RARB: variants seen among roughly 807,000 people sequenced by gnomAD.
RARB encodes retinoic acid receptor beta.
A neutral mutation model predicts 51.9 loss-of-function variants in RARB; 17 were observed. The observed-to-expected ratio is 0.33, with a 90% CI of 0.22 to 0.49. The LOEUF (loss-of-function observed/expected upper bound fraction) is 0.49. Ranked by LOEUF, RARB falls within the 20% of genes least tolerant of loss-of-function variation. The probability of loss-of-function intolerance (pLI) is 0.99; values close to 1 mark genes in which losing one functional copy is unlikely to be tolerated. For synonymous variants in RARB, 215 were observed against 195.4 expected, an observed-to-expected ratio of 1.10 and a Z score of -0.84; for missense variants, 369 against 550.8, an observed-to-expected ratio of 0.67 and a Z score of 3.30.
intron 5 of RARB, among the ~76,000 whole-genome samples, chr3:25,388,691 G>A (rs1054474426): frequency 2.0e-5 from 3 of 152,186 alleles, no homozygotes; most frequent in Non-Finnish European, 4.4e-5. Context: ...TTCACAGAGA[G>A]CTTAGCATAA....
chr3:25,355,402 C>G (rs530972804), intron 5 of RARB, among the ~76,000 whole-genome samples: 6 of 152,226 alleles, frequency 3.9e-5, no homozygotes, highest in African/African-American at 1.4e-4. Flanking sequence ...CTGAGATAAT[C>G]TGATGGAATC....
At chr3:25,457,683 G>A (rs777465101) in intron 1 of RARB, among the ~76,000 whole-genome samples, 1 of 152,056 alleles carries the variant, frequency 6.6e-6, no homozygotes, top group Non-Finnish European at 1.5e-5. Flanking sequence ...CCTTTCTTTG[G>A]GAAGGTGAAA....
At chr3:25,536,274 C>A (rs2125649285) in intron 3 of RARB, among the ~76,000 whole-genome samples, 1 of 152,270 alleles carries the variant, frequency 6.6e-6, no homozygotes, top group South Asian at 2.1e-4. Flanking sequence ...GAGACAAAGC[C>A]AGGCCTAGAT....
chr3:25,471,533 T>G (rs1324448085), intron 2 of RARB, among the ~76,000 whole-genome samples: 4 of 148,096 alleles, frequency 2.7e-5, no homozygotes, highest in Non-Finnish European at 6.0e-5. Context: ...TTCCTTCTGG[T>G]GTATGGATAA....
At chr3:25,388,578 G>T (rs7653107) in intron 5 of RARB, among the ~76,000 whole-genome samples, 24,330 of 151,980 alleles carry the variant, frequency 0.16, 2,278 homozygotes, top group Admixed American at 0.3. Context: ...TTGTTTTTTT[G>T]CCCTGGCAAA....
At chr3:25,399,689 A>G (rs1484484975) in intron 5 of RARB, among the ~76,000 whole-genome samples, 1 of 152,202 alleles carries the variant, frequency 6.6e-6, no homozygotes, top group African/African-American at 2.4e-5. Context: ...TGAAGCTACC[A>G]TAGCTGCTGT....
At chr3:25,012,466 C>T (rs2125280474) in intron 2 of RARB, among the ~76,000 whole-genome samples, 1 of 152,210 alleles carries the variant, frequency 6.6e-6, no homozygotes, top group Non-Finnish European at 1.5e-5. Flanking sequence ...GTTCAGAAAA[C>T]TGTACTAGAA....
At chr3:25,431,288 T>C (rs968523823) in intron 1 of RARB, among the ~76,000 whole-genome samples, 2 of 152,152 alleles carry the variant, frequency 1.3e-5, no homozygotes, top group African/African-American at 4.8e-5. Context: ...GTATGCATAG[T>C]AAATAAAGTA....
chr3:24,943,201 T>G (rs1695706011), intron 2 of RARB, among the ~76,000 whole-genome samples: 1 of 152,182 alleles, frequency 6.6e-6, no homozygotes, highest in African/African-American at 2.4e-5. Flanking sequence ...CTTCCGAGTT[T>G]AGGGGGAGAA....
intron 3 of RARB, among the ~76,000 whole-genome samples, chr3:25,544,432 A>G (rs1575504053): frequency 6.6e-6 from 1 of 152,206 alleles, no homozygotes; most frequent in African/African-American, 2.4e-5. Flanking sequence ...TATGGAGACT[A>G]TGGGAAATTA....
At chr3:24,846,971 G>A (rs1440449211) in intron 1 of RARB, among the ~76,000 whole-genome samples, 1 of 152,022 alleles carries the variant, frequency 6.6e-6, no homozygotes, top group Non-Finnish European at 1.5e-5. Flanking sequence ...CAGCAAATTC[G>A]TAAGAGTGTC....
At chr3:25,087,972 G>C (rs1699131588) in intron 3 of RARB, among the ~76,000 whole-genome samples, 1 of 151,746 alleles carries the variant, frequency 6.6e-6, no homozygotes, top group Admixed American at 6.6e-5. Context: ...ATTCTCCTAA[G>C]TATAGGAACA....
intron 2 of RARB, among the ~76,000 whole-genome samples, chr3:24,994,859 T>A (rs1304830298): frequency 1.3e-5 from 2 of 152,130 alleles, no homozygotes; most frequent in East Asian, 3.8e-4. Context: ...TATGTGTCAG[T>A]TTTCATGCCA....
rs1318900567 is a variant in RARB at position 25,186,884 on chromosome 3, CCTGTGTGTGT to C, written c.178+12310_178+12319del. Among the ~76,000 whole-genome samples the C allele has an allele frequency of 5.0e-3, 293 of 58,884 alleles. 2 individuals carry two copies. Among genetic ancestry groups the C allele is most frequent in the African/African-American group, 0.016 (285 of 17,702 alleles). The allele number at this position is 58,884 out of a possible 152,430, so 38.6% of individuals were successfully genotyped here. A position where few individuals can be genotyped will look rare whatever the true frequency, so the allele number is the denominator to read the frequency against. ...ATGAAGACCCAAAGAAAAAGGTAAG[CCTGTGTGTGT>C]GTGTGTGTGTGTGTGTGTGTGTGTG... On this transcript the variant is annotated intron_variant, in intron 5 of 11. Coordinates refer to the RARB transcript ENST00000383772.
chr3:24,998,859 A>C (rs949319165), intron 2 of RARB, among the ~76,000 whole-genome samples: 1 of 152,144 alleles, frequency 6.6e-6, no homozygotes, highest in African/African-American at 2.4e-5. Context: ...ATATTCTTAG[A>C]TATTAATATT....
chr3:25,575,208 C>G (rs1700878005), intron 4 of RARB, among the ~76,000 whole-genome samples: 1 of 152,176 alleles, frequency 6.6e-6, no homozygotes, highest in South Asian at 2.1e-4. Flanking sequence ...TGTAATGCCG[C>G]CGCTGATCTG....
chr3:25,136,677 G>T (rs541330036), intron 4 of RARB, among the ~76,000 whole-genome samples: 1 of 151,956 alleles, frequency 6.6e-6, no homozygotes, highest in East Asian at 1.9e-4. Flanking sequence ...AATAATACAC[G>T]TTAGAAGCAG....
rs574972978 is a variant in RARB, at chr3:25,410,506, C to T, written c.179-50687C>T. Among the ~76,000 whole-genome samples, 67 of 152,326 alleles carry T rather than the reference C, an allele frequency of 4.4e-4. No homozygotes were observed. In the Middle Eastern group the frequency reaches 0.01, roughly 23 times the overall value. The stretch of plus-strand genomic sequence containing the variant: ...TTCACTTTGAATCTTGAGTAGTGAA[C>T]TCGCTGAGCCTAGTGACATCTGTGT... On this transcript the variant is annotated intron_variant, in intron 5 of 11. Coordinates refer to the RARB transcript ENST00000383772.
chr3:25,342,430 C>T (rs1274746125), intron 5 of RARB, among the ~76,000 whole-genome samples: 1 of 152,128 alleles, frequency 6.6e-6, no homozygotes, highest in African/African-American at 2.4e-5. Flanking sequence ...CTAGGACAGC[C>T]ATTCAGTCTC....
Sources: gnomAD v4.1 joint callset for allele counts (sites outside exome capture counted in the v4.1 genomes callset) on GRCh38, gnomAD v4.1.1 for gene constraint, MANE v1.5 for transcripts, NCBI Gene and HGNC (gene_info 2026-07-23, HGNC 2026-07-21) for gene names.